FRMD6: variants seen among roughly 807,000 people sequenced by gnomAD.
FRMD6 encodes the protein FERM domain containing 6.
Under a neutral mutation model 73.2 loss-of-function variants are expected in FRMD6, and 37 were observed. The observed-to-expected ratio is 0.51, with a 90% CI of 0.39 to 0.66. FRMD6 has a LOEUF of 0.66. Among genes scored for constraint, FRMD6 ranks in the 30% least tolerant of loss-of-function variants. FRMD6 has a pLI of 0.00. For missense variants in FRMD6, 714 were observed against 780.5 expected (o/e 0.91, Z 1.02); for synonymous variants, 273 against 282.2 (o/e 0.97, Z 0.33).
chr14:51,439,198 G>A, the FRMD6 span, among the ~76,000 whole-genome samples: 2 of 152,192 alleles, frequency 1.3e-5, no homozygotes, highest in Non-Finnish European at 2.9e-5. Context: ...AGGCAAAAGT[G>A]TAACAACCTA....
At chr14:51,624,084 T>C (rs746679583) in intron 2 of FRMD6, among the ~76,000 whole-genome samples, 1 of 150,412 alleles carries the variant, frequency 6.6e-6, no homozygotes, top group Non-Finnish European at 1.5e-5. Context: ...TCACTTACAA[T>C]TGGGAGATAA....
chr14:51,679,303 T>A (rs1037074142), intron 1 of FRMD6, among the ~76,000 whole-genome samples: 4 of 151,358 alleles, frequency 2.6e-5, no homozygotes, highest in Non-Finnish European at 5.9e-5. Context: ...TACACACGTG[T>A]ATAGATGTAT....
At chr14:51,644,609 A>C (rs561957500) in intron 2 of FRMD6, among the ~76,000 whole-genome samples, 7 of 152,156 alleles carry the variant, frequency 4.6e-5, no homozygotes, top group Non-Finnish European at 8.8e-5. Context: ...AAAATAAGTG[A>C]TGTGTTAATA....
chr14:51,622,351 G>A (rs1890957338), intron 2 of FRMD6, among the ~76,000 whole-genome samples: 1 of 152,010 alleles, frequency 6.6e-6, no homozygotes, highest in South Asian at 2.1e-4. Flanking sequence ...TGCACGAACA[G>A]GGTGCAAATC....
chr14:51,723,704 G>A (rs1897768123), intron 12 of FRMD6, among the ~76,000 whole-genome samples: 1 of 151,288 alleles, frequency 6.6e-6, no homozygotes, highest in South Asian at 2.1e-4. Context: ...GAACCCAGGA[G>A]GCAGAGGTTG....
At chr14:51,713,178 C>T (rs528013849) in intron 9 of FRMD6, among the ~76,000 whole-genome samples, 39 of 152,098 alleles carry the variant, frequency 2.6e-4, no homozygotes, top group African/African-American at 9.2e-4. Context: ...TAGTTCTGGC[C>T]GGGCACAGTG....
chr14:51,544,058 A>G (rs1886339109), intron 1 of FRMD6, among the ~76,000 whole-genome samples: 1 of 152,018 alleles, frequency 6.6e-6, no homozygotes, highest in African/African-American at 2.4e-5. Context: ...ACAGTTATCA[A>G]AAACATGCCC....
intron 1 of FRMD6, among the ~76,000 whole-genome samples, chr14:51,542,315 A>G (rs539938971): frequency 1.3e-5 from 2 of 152,164 alleles, no homozygotes; most frequent in South Asian, 4.1e-4. Context: ...TCTGACAACT[A>G]CCAATCTGCT....
the FRMD6 span, among the ~76,000 whole-genome samples, chr14:51,409,430 A>C: frequency 7.5e-6 from 1 of 133,956 alleles, no homozygotes; most frequent in South Asian, 2.3e-4. Flanking sequence ...AAGGTCTTTC[A>C]TTCAGGATTT....
At position 51,548,268 on chromosome 14, in the gene FRMD6, G is replaced by T. The variant is rs111759304; in HGVS notation, c.-209-22080G>T. Among the ~76,000 whole-genome samples, 1,122 of 152,256 alleles carry T rather than the reference G, an allele frequency of 7.4e-3. 8 individuals are homozygous for T. The highest frequency in any genetic ancestry group is 0.01 in the Non-Finnish European group (699 of 68,026). ...AAAATAAATGAGAATGTTCATTCTC[G>T]CTAAGTTCTATGAGTAATGTAAACA... On this transcript the variant is annotated intron_variant, in intron 1 of 14. Coordinates refer to the FRMD6 transcript ENST00000356218.
the FRMD6 span, among the ~76,000 whole-genome samples, chr14:51,407,198 T>A: frequency 6.6e-6 from 1 of 152,134 alleles, no homozygotes; most frequent in African/African-American, 2.4e-5. Flanking sequence ...ACATCCATTT[T>A]ATTTATTATT....
chr14:51,586,926 T>G (rs868791585), intron 2 of FRMD6, among the ~76,000 whole-genome samples: 3 of 152,054 alleles, frequency 2.0e-5, no homozygotes, highest in African/African-American at 7.2e-5. Flanking sequence ...TAAAAAAAGT[T>G]TTTTAGAGAC....
chr14:51,523,980 A>T (rs759179612), intron 1 of FRMD6, among the ~76,000 whole-genome samples: 5 of 152,230 alleles, frequency 3.3e-5, no homozygotes, highest in Admixed American at 6.5e-5. Flanking sequence ...AATATCAGGG[A>T]TAAAGCCTCC....
At chr14:51,468,860 A>G in the FRMD6 span, among the ~76,000 whole-genome samples, 2 of 152,122 alleles carry the variant, frequency 1.3e-5, no homozygotes, top group South Asian at 2.1e-4. Context: ...CTTTTTCTAC[A>G]TCTATTGAAA....
intron 1 of FRMD6, among the ~76,000 whole-genome samples, chr14:51,667,415 CAT>C (rs907499475): frequency 6.6e-6 from 1 of 152,094 alleles, no homozygotes; most frequent in African/African-American, 2.4e-5. Flanking sequence ...AATTTACTGA[CAT>C]GTGTGACCCA....
At chr14:51,712,173 A>C (rs4901145) in intron 8 of FRMD6, among the ~76,000 whole-genome samples, 43,956 of 152,106 alleles carry the variant, frequency 0.29, 6,777 homozygotes, top group African/African-American at 0.39. Context: ...ATATCCAGTT[A>C]TGAAAGTCTG....
chr14:51,474,876 T>G, the FRMD6 span, among the ~76,000 whole-genome samples: 1 of 152,224 alleles, frequency 6.6e-6, no homozygotes, highest in Non-Finnish European at 1.5e-5. Flanking sequence ...AACACTGCAC[T>G]AAAGATTTAG....
chr14:51,551,736 GA>G (rs201974581), intron 1 of FRMD6, among the ~76,000 whole-genome samples: 9 of 148,872 alleles, frequency 6.0e-5, no homozygotes, highest in African/African-American at 2.0e-4. Context: ...GACCTCTTTA[GA>G]AAAAAAAACT....
intron 2 of FRMD6, among the ~76,000 whole-genome samples, chr14:51,588,214 G>A (rs1341642355): frequency 1.3e-5 from 2 of 151,902 alleles, no homozygotes; most frequent in Non-Finnish European, 2.9e-5. Flanking sequence ...ATGACTCAAT[G>A]TATATGCTGG....
Sources: allele counts gnomAD v4.1 joint callset (sites outside exome capture counted in the v4.1 genomes callset), GRCh38; gene constraint gnomAD v4.1.1; transcripts MANE v1.5; gene names NCBI Gene and HGNC (gene_info 2026-07-23, HGNC 2026-07-21).